AXIN2: variants seen among roughly 807,000 people sequenced by gnomAD.
AXIN2 encodes axin 2, also known as axin-2.
AXIN2 carries 21 observed loss-of-function variants against 74.7 expected under a neutral mutation model. The ratio of observed to expected loss-of-function variants is 0.28; its 90% CI spans 0.20 to 0.40. AXIN2 has a LOEUF of 0.40. AXIN2 is among the 10% of genes least tolerant of loss of function. The probability of loss-of-function intolerance (pLI) is 1.00; values close to 1 mark genes in which losing one functional copy is unlikely to be tolerated. For missense variants in AXIN2, 1,144 were observed against 1,111.1 expected, an observed-to-expected ratio of 1.03 and a Z score of -0.42; for synonymous variants, 532 against 454.9, an observed-to-expected ratio of 1.17 and a Z score of -2.16.
At chr17:65,545,786 A>G in intron 3 of AXIN2, among the ~76,000 whole-genome samples, 1 of 152,190 alleles carries the variant, frequency 6.6e-6, no homozygotes, top group East Asian at 1.9e-4. Context: ...AACAGAAGTC[A>G]GCAGTAGGCT....
chr17:65,533,580 A>G (rs1170798229), intron 10 of AXIN2, among the ~76,000 whole-genome samples: 2 of 152,172 alleles, frequency 1.3e-5, no homozygotes, highest in Non-Finnish European at 1.5e-5. Context: ...AATTGCAGGT[A>G]AAGCCTCTGC....
At chr17:65,547,148 G>T (rs1333304243) in intron 3 of AXIN2, among the ~76,000 whole-genome samples, 1 of 152,138 alleles carries the variant, frequency 6.6e-6, no homozygotes, top group Non-Finnish European at 1.5e-5. Flanking sequence ...TCTGGGAAGG[G>T]GATAAAAGAA....
Position 65,528,709 on chromosome 17 carries a change from C to T in AXIN2, c.*1267G>A, listed in dbSNP as rs1308319746. On this transcript the variant is annotated 3_prime_UTR_variant, in exon 11 of 11. Transcript: ENST00000307078. ...ATGTCATGACAAAAGTCATTGAGTA[C>T]AAGACTTGTAATAAAAAGGCATAAA... 4 of 506,374 alleles carry T rather than the reference C, an allele frequency of 7.9e-6. No individual in the cohort carries two copies. The highest frequency in any genetic ancestry group is 6.0e-5 in the Admixed American group (2 of 33,554). 31.4% of individuals were successfully genotyped at this position (506,374 alleles called of 1,614,324 possible).
chr17:65,548,476 A>C (rs929240111), intron 3 of AXIN2, among the ~76,000 whole-genome samples: 2 of 152,222 alleles, frequency 1.3e-5, no homozygotes, highest in Non-Finnish European at 2.9e-5. Context: ...ACACGGTTCA[A>C]TGGGTTTGCC....
intron 2 of AXIN2, among the ~76,000 whole-genome samples, chr17:65,550,128 G>C (rs1427877175): frequency 6.6e-6 from 1 of 152,172 alleles, no homozygotes; most frequent in Non-Finnish European, 1.5e-5. Flanking sequence ...CTTGTCTGGG[G>C]TCTGTTAGCC....
At chr17:65,535,193 G>T (rs180715756) in intron 9 of AXIN2, among the ~76,000 whole-genome samples, 13 of 152,160 alleles carry the variant, frequency 8.5e-5, no homozygotes, top group Non-Finnish European at 1.8e-4. Context: ...TTTACAAAAA[G>T]AATCACTGCC....
chr17:65,554,060 C>A (rs948778973), intron 2 of AXIN2, among the ~76,000 whole-genome samples: 1 of 151,436 alleles, frequency 6.6e-6, no homozygotes, highest in Admixed American at 6.6e-5. Context: ...GTGGCAGAGA[C>A]CCCCGGAACC....
chr17:65,536,653 G>C, intron 7 of AXIN2, 100 bp from the exon 8 acceptor site: 1 of 1,444,066 alleles, frequency 6.9e-7, no homozygotes, highest in Non-Finnish European at 9.7e-7. Flanking sequence ...TCTGCTCAGA[G>C]AGAGAGTTAA....
intron 1 of AXIN2, chr17:65,560,053 G>A (rs1005142372): frequency 6.6e-6 from 1 of 152,236 alleles, no homozygotes; most frequent in Admixed American, 6.5e-5. Flanking sequence ...CAGAGCCCTG[G>A]CGGGCACACC....
At chr17:65,532,118 C>A (rs2043831617) in intron 10 of AXIN2, among the ~76,000 whole-genome samples, 1 of 152,044 alleles carries the variant, frequency 6.6e-6, no homozygotes, top group South Asian at 2.1e-4. Flanking sequence ...CAGGAAAGAA[C>A]TGGAGAGGAT....
At chr17:65,559,107 T>TCCCTCCCTTC (rs1286479549) in intron 1 of AXIN2, among the ~76,000 whole-genome samples, 1 of 151,616 alleles carries the variant, frequency 6.6e-6, no homozygotes, top group Non-Finnish European at 1.5e-5. Flanking sequence ...CGCCTCGCCT[T>TCCCTCCCTTC]CCCTCCCTTC....
intron 3 of AXIN2, among the ~76,000 whole-genome samples, chr17:65,546,077 C>T (rs2044114407): frequency 6.6e-6 from 1 of 150,568 alleles, no homozygotes. Flanking sequence ...TGTTCCCTCC[C>T]CAGCTCCCAG....
chr17:65,532,836 C>T (rs2043846531), intron 10 of AXIN2, among the ~76,000 whole-genome samples: 2 of 152,376 alleles, frequency 1.3e-5, no homozygotes, highest in Admixed American at 6.5e-5. Flanking sequence ...GACAACAGCA[C>T]ACAGCTGAGG....
At chr17:65,556,413 G>A (rs906576760) in intron 2 of AXIN2, among the ~76,000 whole-genome samples, 1 of 152,156 alleles carries the variant, frequency 6.6e-6, no homozygotes, top group African/African-American at 2.4e-5. Flanking sequence ...CTACTGCAGA[G>A]GCCAGACCCA....
intron 3 of AXIN2, among the ~76,000 whole-genome samples, chr17:65,544,898 G>A (rs1598107016): frequency 1.3e-5 from 2 of 152,126 alleles, no homozygotes; most frequent in African/African-American, 4.8e-5. Context: ...GCGTCCACTC[G>A]CATCTTCATT....
chr17:65,558,696 T>C lies in AXIN2; in HGVS notation c.-76A>G, dbSNP rs1268388464. The C allele has an allele frequency of 2.7e-5, 39 of 1,454,736 alleles. No individual in the cohort carries two copies. Among genetic ancestry groups the C allele is most frequent in the Non-Finnish European group, 3.6e-5 (39 of 1,070,154 alleles). 90.1% of individuals were successfully genotyped at this position (1,454,736 alleles called of 1,614,324 possible). ...CTCTCAGCAATCGGCGTGGTCTCTCTGTCTCTCTCAAGTCAGCAGGGGCTC... is the reference window on the plus strand; with the variant it reads ...CTCTCAGCAATCGGCGTGGTCTCTCCGTCTCTCTCAAGTCAGCAGGGGCTC... On this transcript the variant is annotated 5_prime_UTR_variant, in exon 2 of 11. Transcript: ENST00000307078.
At position 65,532,330 on chromosome 17, in the gene AXIN2, G is replaced by A. The variant is rs569314662; in HGVS notation, c.2405+1582C>T. Among the ~76,000 whole-genome samples, 57 of 152,132 alleles carry A rather than the reference G, an allele frequency of 3.7e-4. 3 individuals are homozygous for A. Among genetic ancestry groups the A allele is most frequent in the Non-Finnish European group, 2.2e-4 (15 of 68,030 alleles). Reference sequence around the variant, plus strand: ...TCCAAGGTCACCTGCAGTTCCACTCGAAGTCCAGCCGAGACAAAGCCAAGA... The same window carrying A: ...TCCAAGGTCACCTGCAGTTCCACTCAAAGTCCAGCCGAGACAAAGCCAAGA... On this transcript the variant is annotated intron_variant, in intron 10 of 10. Transcript: ENST00000307078.
At chr17:65,538,063 C>A in intron 5 of AXIN2, 140 bp downstream of exon 5, 20 of 1,488,446 alleles carry the variant, frequency 1.3e-5, no homozygotes, top group Non-Finnish European at 1.7e-5. Context: ...CGCCCAGGCA[C>A]ACACCCACAC....
intron 1 of AXIN2, chr17:65,560,974 GGAGGGGGTGCGGGA>G (rs2044362592): frequency 6.7e-6 from 1 of 148,864 alleles, no homozygotes; most frequent in Admixed American, 6.7e-5. Context: ...GTGCGGCGGG[GGAGGGGGTGCGGGA>G]AACAACAATC....
Sources: gnomAD v4.1 joint callset for allele counts (sites outside exome capture counted in the v4.1 genomes callset) on GRCh38, gnomAD v4.1.1 for gene constraint, MANE v1.5 for transcripts, NCBI Gene and HGNC (gene_info 2026-07-23, HGNC 2026-07-21) for gene names.